TSBP1: variants seen among roughly 807,000 people sequenced by gnomAD.
TSBP1 encodes the protein testis-expressed basic protein 1.
TSBP1 carries 56 observed loss-of-function variants against 68.8 expected under a neutral mutation model. The ratio of observed to expected loss-of-function variants is 0.81; its 90% CI spans 0.66 to 1.02. The LOEUF (loss-of-function observed/expected upper bound fraction) is 1.02, where lower values mean the gene tolerates loss of function less well. TSBP1 is among the 50% of genes least tolerant of loss of function. The pLI, the probability that TSBP1 is intolerant of heterozygous loss-of-function variation, is 0.00. For synonymous variants in TSBP1, 171 were observed against 208.7 expected, an observed-to-expected ratio of 0.82 and a Z score of 1.56; for missense variants, 502 against 641.2, an observed-to-expected ratio of 0.78 and a Z score of 2.34.
At chr6:32,324,661 G>A (rs1188831698) in intron 16 of TSBP1, 3 of 1,550,692 alleles carry the variant, frequency 1.9e-6, no homozygotes, top group Non-Finnish European at 2.6e-6. Context: ...CTTACTGATT[G>A]TGTGAGGATG....
chr6:32,365,608 T>A lies in TSBP1; in HGVS notation c.217+559A>T. On this transcript the variant is annotated intron_variant, in intron 6 of 22. Transcript: ENST00000612031. This position sits in a 1 kb window ranked among gnomAD's most constrained non-coding sequence, Gnocchi z 4.3. ...AAATAAGTGGGCTTATCGGACAGCA[T>A]CCTGAATGGCTGGGGGATGTGGGCA... 1 of 456,476 alleles carries A rather than the reference T, an allele frequency of 2.2e-6. No homozygotes were observed. Among genetic ancestry groups the A allele is most frequent in the Non-Finnish European group, 4.4e-6 (1 of 226,800 alleles). The allele number at this position is 456,476 out of a possible 1,614,324, so 28.3% of individuals were successfully genotyped here. A position where few individuals can be genotyped will look rare whatever the true frequency, so the allele number is the denominator to read the frequency against.
At position 32,336,718 on chromosome 6, in the gene TSBP1, A is replaced by G. The variant is rs1769719182; in HGVS notation, c.410-83T>C. On this transcript the variant is annotated intron_variant, in intron 11 of 22. Coordinates refer to ENST00000612031, the Ensembl canonical transcript of TSBP1. The surrounding 1 kb of genome is among the most constrained non-coding windows in gnomAD (Gnocchi z 5.2). ...AGTATTGTTTCTAAAGAAACTATGA[A>G]GCAATTCAACCAGAGGAGAACAACT... The G allele has an allele frequency of 7.6e-7, 1 of 1,319,746 alleles. No individual in the cohort carries two copies. The highest frequency in any genetic ancestry group is 1.2e-5 in the South Asian group (1 of 82,312). 81.8% of individuals were successfully genotyped at this position (1,319,746 alleles called of 1,614,324 possible).
chr6:32,294,198 A>T (rs1764469945), intron 22 of TSBP1, 163 bp from the exon 26 acceptor site: 1 of 763,092 alleles, frequency 1.3e-6, no homozygotes, highest in Non-Finnish European at 2.2e-6. Flanking sequence ...ACATAAAATT[A>T]TAAAAGTATC....
Position 32,361,698 on chromosome 6 carries a change from G to T in TSBP1, c.217+4469C>A, listed in dbSNP as rs1773047683. 6.6e-6 allele frequency among the ~76,000 whole-genome samples: 1 copy of T among 152,022 alleles called. No individual in the cohort carries two copies. The highest frequency in any genetic ancestry group is 6.5e-5 in the Admixed American group (1 of 15,268). ...TTCTTTTAAGAATTGTCTGTTCATG[G>T]ACTAAGGTTCATGAACAGATATGAA... On this transcript the variant is annotated intron_variant, in intron 6 of 22. Coordinates refer to ENST00000612031, the Ensembl canonical transcript of TSBP1. The surrounding 1 kb of genome is among the most constrained non-coding windows in gnomAD (Gnocchi z 4.3).
intron 9 of TSBP1, among the ~76,000 whole-genome samples, chr6:32,345,904 A>C (rs1022707199): frequency 2.0e-5 from 3 of 152,154 alleles, no homozygotes; most frequent in Non-Finnish European, 4.4e-5. Context: ...TTCAGGGATG[A>C]ATAGCTTCCT....
chr6:32,318,583 G>A (rs1767228986), intron 18 of TSBP1, among the ~76,000 whole-genome samples: 1 of 152,186 alleles, frequency 6.6e-6, no homozygotes, highest in South Asian at 2.1e-4. Context: ...CTGAAGTACT[G>A]CTGCATATTA....
At chr6:32,320,532 CTA>C (rs1182968768) in intron 18 of TSBP1, among the ~76,000 whole-genome samples, 2 of 152,080 alleles carry the variant, frequency 1.3e-5, no homozygotes, top group Admixed American at 1.3e-4. Flanking sequence ...GCTGTCATCT[CTA>C]TTTTTTCATC....
rs541763485 is a variant in TSBP1 at position 32,328,501 on chromosome 6, C to T, written c.514+2088G>A. On this transcript the variant is annotated intron_variant, in intron 16 of 22. Transcript: ENST00000612031. ...TGAGATCTCGGCTCACTGCAATCTC[C>T]ACCTCCCAAGTTCAAGTGATTCTCC... Among the ~76,000 whole-genome samples the T allele has an allele frequency of 1.7e-4, 25 of 150,744 alleles. 2 individuals are homozygous for T. In the East Asian group the frequency reaches 3.7e-3, roughly 22 times the overall value.
At chr6:32,297,312 A>T (rs929331369) in intron 22 of TSBP1, among the ~76,000 whole-genome samples, 3 of 152,220 alleles carry the variant, frequency 2.0e-5, no homozygotes, top group African/African-American at 7.2e-5. Flanking sequence ...ATTTTAATAC[A>T]ATCAAAAGAT....
chr6:32,324,784 T>A (rs1583047377), intron 16 of TSBP1: 1 of 217,732 alleles, frequency 4.6e-6, no homozygotes, highest in Non-Finnish European at 6.9e-6. Context: ...TGCTTGAACA[T>A]TTTTTTTTTT....
chr6:32,367,243 A>AGAGAGAGAGAGAGAGAGAGAGAG (rs1773845910), intron 4 of TSBP1, among the ~76,000 whole-genome samples: 2 of 130,662 alleles, frequency 1.5e-5, no homozygotes, highest in African/African-American at 6.1e-5. Flanking sequence ...GAGGGAAGGA[A>AGAGAGAGAGAGAGAGAGAGAGAG]AGAGAGAGAG....
At chr6:32,313,156 A>G (rs1421684734) in intron 19 of TSBP1, among the ~76,000 whole-genome samples, 3 of 151,878 alleles carry the variant, frequency 2.0e-5, no homozygotes, top group East Asian at 1.9e-4. Flanking sequence ...AGGCCTGTGC[A>G]TGTTGTACTT....
intron 16 of TSBP1, chr6:32,324,819 G>A: frequency 8.5e-7 from 1 of 1,179,726 alleles, no homozygotes; most frequent in Non-Finnish European, 1.2e-6. Flanking sequence ...GAAATTTCCA[G>A]AAAACTAATT....
At chr6:32,349,942 A>G (rs1771527955) in intron 8 of TSBP1, 182 bp from the exon 9 acceptor site, 2 of 785,054 alleles carry the variant, frequency 2.5e-6, no homozygotes, top group South Asian at 2.7e-5. Context: ...ATGGATTCCA[A>G]TACTTTTGTG....
At chr6:32,344,870 G>A (rs916669242) in intron 9 of TSBP1, among the ~76,000 whole-genome samples, 15 of 151,694 alleles carry the variant, frequency 9.9e-5, no homozygotes, top group Non-Finnish European at 2.2e-4. Flanking sequence ...TTGGGGCTGG[G>A]GTGGGGGGGA....
chr6:32,369,161 G>A (rs112508091), intron 2 of TSBP1, among the ~76,000 whole-genome samples: 1,553 of 151,860 alleles, frequency 0.01, 24 homozygotes, highest in African/African-American at 0.025. Flanking sequence ...CTATTTCATC[G>A]ACAAGTACTA....
At chr6:32,320,190 C>G (rs959883239) in intron 18 of TSBP1, 2 of 456,644 alleles carry the variant, frequency 4.4e-6, no homozygotes, top group South Asian at 1.6e-5. Context: ...TTCTTGGTGG[C>G]TATTGTCCTA....
At chr6:32,346,280 GC>G (rs1429531424) in intron 9 of TSBP1, among the ~76,000 whole-genome samples, 8 of 9,550 alleles carry the variant, frequency 8.4e-4, no homozygotes, top group African/African-American at 1.9e-3. Flanking sequence ...CTCCCAAAGT[GC>G]TGGGATTACA....
intron 4 of TSBP1, 56 bp downstream of exon 4, chr6:32,367,867 TCA>T: frequency 7.7e-7 from 1 of 1,299,632 alleles, no homozygotes; most frequent in Middle Eastern, 1.9e-4. Flanking sequence ...ATGAGTTGAT[TCA>T]CACTCTAAAG....
Sources: allele counts gnomAD v4.1 joint callset (sites outside exome capture counted in the v4.1 genomes callset), GRCh38; gene constraint gnomAD v4.1.1; non-coding constraint Gnocchi (gnomAD v3.1); transcripts MANE v1.5; gene names NCBI Gene and HGNC (gene_info 2026-07-23, HGNC 2026-07-21).